The following COX7B2 variants were observed in gnomAD, a reference collection of about 807,000 sequenced individuals.
COX7B2 encodes the protein cytochrome c oxidase subunit 7B2, also known as cytochrome c oxidase subunit 7B2, mitochondrial.
For synonymous variants in COX7B2, 37 were observed against 32.1 expected (o/e 1.15, Z -0.51); for missense variants, 109 against 95.9 (o/e 1.14, Z -0.57).
At chr4:46,766,650 G>A (rs1716555826) in intron 2 of COX7B2, among the ~76,000 whole-genome samples, 1 of 147,048 alleles carries the variant, frequency 6.8e-6, no homozygotes, top group Admixed American at 7.0e-5. Flanking sequence ...GTAGTGAGTT[G>A]AGATTATGCC....
At chr4:46,743,683 A>G (rs183148891) in intron 2 of COX7B2, among the ~76,000 whole-genome samples, 155 of 152,340 alleles carry the variant, frequency 1.0e-3, no homozygotes, top group Middle Eastern at 6.8e-3. Context: ...GTATTTTTCC[A>G]ACCTCTATTG....
At chr4:46,821,943 C>T (rs1714327146) in intron 2 of COX7B2, among the ~76,000 whole-genome samples, 1 of 152,024 alleles carries the variant, frequency 6.6e-6, no homozygotes, top group Admixed American at 6.6e-5. Context: ...GACGGAGTCT[C>T]ACTCTGTCGC....
intron 1 of COX7B2, among the ~76,000 whole-genome samples, chr4:46,880,601 G>A (rs1718654113): frequency 6.6e-6 from 1 of 151,634 alleles, no homozygotes; most frequent in Non-Finnish European, 1.5e-5. Flanking sequence ...AGTAGTTTCT[G>A]ATGGCAATTT....
At chr4:46,798,852 C>G (rs555802947) in intron 2 of COX7B2, among the ~76,000 whole-genome samples, 1 of 152,170 alleles carries the variant, frequency 6.6e-6, no homozygotes, top group African/African-American at 2.4e-5. Flanking sequence ...CAAATGCCCA[C>G]GCCTGCTGCA....
chr4:46,819,260 G>C (rs1232186355), intron 2 of COX7B2, among the ~76,000 whole-genome samples: 9 of 152,070 alleles, frequency 5.9e-5, no homozygotes, highest in Admixed American at 5.9e-4. Flanking sequence ...ACCCTTTAGC[G>C]GAACCACCTC....
At chr4:46,742,768 C>G (rs771665658) in intron 2 of COX7B2, among the ~76,000 whole-genome samples, 1 of 151,822 alleles carries the variant, frequency 6.6e-6, no homozygotes, top group African/African-American at 2.4e-5. Flanking sequence ...CTGGTGTCCT[C>G]AAATGCCATA....
intron 2 of COX7B2, among the ~76,000 whole-genome samples, chr4:46,814,725 T>C (rs1041135163): frequency 6.6e-6 from 1 of 152,252 alleles, no homozygotes; most frequent in African/African-American, 2.4e-5. Flanking sequence ...AATGTATCAC[T>C]GATGAGTTGA....
chr4:46,809,980 A>T (rs182701796), intron 2 of COX7B2, among the ~76,000 whole-genome samples: 157 of 152,118 alleles, frequency 1.0e-3, no homozygotes, highest in African/African-American at 3.6e-3. Flanking sequence ...CTTATTCATG[A>T]CATTCAGTCA....
Position 46,734,927 on chromosome 4 carries a change from C to A in COX7B2, c.*20G>T. On this transcript the variant is annotated 3_prime_UTR_variant, in exon 3 of 3. Coordinates refer to ENST00000355591, the MANE Select transcript of COX7B2 (RefSeq NM_130902.3). ...AAGTTGGTTTTTTAAACAATTCTGT[C>A]ATTACAGCAACTGTGATGGTTACTG... The A allele has an allele frequency of 1.2e-6, 2 of 1,613,752 alleles. No homozygotes were observed. The highest frequency in any genetic ancestry group is 2.2e-5 in the South Asian group (2 of 90,986).
intron 2 of COX7B2, 33 bp from the exon 3 acceptor site, chr4:46,735,274 C>A: frequency 6.8e-7 from 1 of 1,471,190 alleles, no homozygotes; most frequent in Non-Finnish European, 9.4e-7. Context: ...CATTGATGTC[C>A]AATCTTTATT....
intron 2 of COX7B2, among the ~76,000 whole-genome samples, chr4:46,735,609 TCTC>T (rs530206355): frequency 8.5e-4 from 129 of 152,160 alleles, no homozygotes; most frequent in South Asian, 1.5e-3. Flanking sequence ...GCCTCCTCAC[TCTC>T]CTCCTCCTCG....
At chr4:46,735,391 C>T (rs1055708064) in intron 2 of COX7B2, 150 bp from the exon 3 acceptor site, 6 of 600,030 alleles carry the variant, frequency 1.0e-5, no homozygotes, top group Admixed American at 7.1e-5. Context: ...GCTTTGCCAC[C>T]GATTAGCTAT....
chr4:46,887,944 T>TCAAGCCAGAACCAGTAGGCTGC (rs1719183767), intron 1 of COX7B2, among the ~76,000 whole-genome samples: 2 of 152,066 alleles, frequency 1.3e-5, no homozygotes, highest in African/African-American at 2.4e-5. Context: ...GAGCCATTAA[T>TCAAGCCAGAACCAGTAGGCTGC]CAAGCCAGAA....
intron 2 of COX7B2, among the ~76,000 whole-genome samples, chr4:46,795,104 T>G (rs534200238): frequency 7.3e-6 from 1 of 137,502 alleles, no homozygotes; most frequent in Non-Finnish European, 1.5e-5. Flanking sequence ...TATTAGCCCT[T>G]TGTCAGATGA....
Position 46,734,888 on chromosome 4 carries a change from A to C in COX7B2, c.*59T>G. On this transcript the variant is annotated 3_prime_UTR_variant, in exon 3 of 3. Transcript: ENST00000355591. The stretch of plus-strand genomic sequence containing the variant: ...TGTGCTATATTTTAATAAGCAGTAG[A>C]GTGCTTACATGACAAGTTGGTTTTT... The C allele has an allele frequency of 6.3e-7, 1 of 1,582,630 alleles. No homozygotes were observed. Among genetic ancestry groups the C allele is most frequent in the Non-Finnish European group, 8.7e-7 (1 of 1,153,046 alleles).
intron 2 of COX7B2, among the ~76,000 whole-genome samples, chr4:46,776,088 C>A (rs1391824499): frequency 6.6e-6 from 1 of 151,862 alleles, no homozygotes; most frequent in African/African-American, 2.4e-5. Flanking sequence ...TACTTCCTGA[C>A]AACAGACAAT....
At chr4:46,770,978 T>C (rs940594421) in intron 2 of COX7B2, among the ~76,000 whole-genome samples, 4 of 152,070 alleles carry the variant, frequency 2.6e-5, no homozygotes, top group Non-Finnish European at 5.9e-5. Context: ...CAAATGGGAT[T>C]GCATCAAACT....
At chr4:46,772,410 G>A (rs984289284) in intron 2 of COX7B2, among the ~76,000 whole-genome samples, 14 of 152,076 alleles carry the variant, frequency 9.2e-5, no homozygotes, top group Admixed American at 8.5e-4. Context: ...TAGTATGCTC[G>A]AAATTTGCTG....
At chr4:46,872,531 C>A (rs1349879563) in intron 1 of COX7B2, among the ~76,000 whole-genome samples, 2 of 152,140 alleles carry the variant, frequency 1.3e-5, no homozygotes, top group Non-Finnish European at 1.5e-5. Context: ...CCAAGCAAAG[C>A]CAAGAACTAT....
Sources: gnomAD v4.1 joint callset for allele counts (sites outside exome capture counted in the v4.1 genomes callset) on GRCh38, gnomAD v4.1.1 for gene constraint, MANE v1.5 for transcripts, NCBI Gene and HGNC (gene_info 2026-07-23, HGNC 2026-07-21) for gene names.